Variants in AKAP10 observed in about 807,000 individuals in gnomAD.
AKAP10 encodes A-kinase anchoring protein 10.
Under a neutral mutation model 80.8 loss-of-function variants are expected in AKAP10, and 24 were observed. The ratio of observed to expected loss-of-function variants is 0.30; its 90% confidence interval spans 0.22 to 0.42. The LOEUF is 0.42. AKAP10 is among the 10% of genes least tolerant of loss of function. The pLI is 1.00. For missense variants in AKAP10, 661 were observed against 794.9 expected, an observed-to-expected ratio of 0.83 and a Z score of 2.03; for synonymous variants, 291 against 277.7, an observed-to-expected ratio of 1.05 and a Z score of -0.48.
chr17:19,968,245 G>A (rs2043448054), intron 2 of AKAP10, among the ~76,000 whole-genome samples, 169 bp downstream of exon 2: 1 of 148,232 alleles, frequency 6.7e-6, no homozygotes, highest in African/African-American at 2.5e-5. Context: ...TATGCTAGAT[G>A]TTAAAGCATT....
At position 19,905,049 on chromosome 17, in the gene AKAP10, C is replaced by T. The variant is rs1275866787; in HGVS notation, c.*1178G>A. ...ATATATATTTTTTTTTTTGCAAAGT[C>T]TGAGCAAAAGCAGTAACATCTAAGA... On this transcript the variant is annotated 3_prime_UTR_variant, in exon 15 of 15. Transcript: ENST00000225737. 2.0e-5 allele frequency: 3 copies of T among 147,288 alleles called. No homozygotes were observed. Among genetic ancestry groups the T allele is most frequent in the Non-Finnish European group, 4.5e-5 (3 of 67,316 alleles). The allele number at this position is 147,288 out of a possible 1,614,324, so 9.1% of individuals were successfully genotyped here.
At chr17:19,907,195 T>G (rs2152408830) in intron 14 of AKAP10, among the ~76,000 whole-genome samples, 1 of 151,886 alleles carries the variant, frequency 6.6e-6, no homozygotes, top group South Asian at 2.1e-4. Context: ...ATTTTGTATT[T>G]TTAGTAGAGA....
At chr17:19,946,240 TATATATATATATATATA>T (rs2043115564) in intron 5 of AKAP10, among the ~76,000 whole-genome samples, 2 of 14,584 alleles carry the variant, frequency 1.4e-4, no homozygotes, top group East Asian at 2.0e-3. Flanking sequence ...ATATATATTA[TATATATATATATATATA>T]TATATATATA....
At chr17:19,960,796 C>A (rs2043339317) in intron 3 of AKAP10, among the ~76,000 whole-genome samples, 1 of 151,770 alleles carries the variant, frequency 6.6e-6, no homozygotes, top group African/African-American at 2.4e-5. Flanking sequence ...GAGGCCGAGG[C>A]GGGCTGATCA....
At chr17:19,977,357 T>C (rs1255903694) in intron 1 of AKAP10, among the ~76,000 whole-genome samples, 1 of 152,220 alleles carries the variant, frequency 6.6e-6, no homozygotes, top group South Asian at 2.1e-4. Context: ...CTATGGGCTT[T>C]AGCAATCGCT....
At chr17:19,926,547 T>C (rs1373994603) in intron 10 of AKAP10, among the ~76,000 whole-genome samples, 1 of 152,168 alleles carries the variant, frequency 6.6e-6, no homozygotes, top group African/African-American at 2.4e-5. Context: ...AAGAAAACTA[T>C]TAGAGCTAAC....
At chr17:19,967,654 G>A (rs9891503) in intron 2 of AKAP10, among the ~76,000 whole-genome samples, 3 of 152,034 alleles carry the variant, frequency 2.0e-5, no homozygotes, top group African/African-American at 7.2e-5. Context: ...AGGCCAAGGC[G>A]AGTGGATCAC....
Position 19,958,414 on chromosome 17 carries a change from T to C in AKAP10, c.477A>G (p.Glu159=), listed in dbSNP as rs753593959. The change falls in exon 4 of 15, where the codon GAA becomes GAG. Residue 159 remains glutamate, a synonymous_variant. Coordinates refer to ENST00000225737, the MANE Select transcript of AKAP10 (RefSeq NM_007202.4). The part of the protein sequence containing the change: ...EHLVKFWLEA[E]SFHSTTWSRI... The stretch of plus-strand genomic sequence containing the variant: ...GCGACCAAGTTGTTGAATGAAAACT[T>C]TCAGCCTCTAACCAAAATTTCACCA... The C allele has an allele frequency of 3.7e-6, 6 of 1,614,058 alleles. No individual in the cohort carries two copies. Among genetic ancestry groups the C allele is most frequent in the Non-Finnish European group, 5.1e-6 (6 of 1,180,042 alleles).
At position 19,905,030 on chromosome 17, in the gene AKAP10, A is replaced by ATTAT. The variant is rs2042618072; in HGVS notation, c.*1196_*1197insATAA. The ATTAT allele has an allele frequency of 6.9e-6, 1 of 144,170 alleles. No homozygotes were observed. Among genetic ancestry groups the ATTAT allele is most frequent in the African/African-American group, 2.7e-5 (1 of 37,390 alleles). 8.9% of individuals were successfully genotyped at this position (144,170 alleles called of 1,614,324 possible). A position where few individuals can be genotyped will look rare whatever the true frequency, so the allele number is the denominator to read the frequency against. On this transcript the variant is annotated 3_prime_UTR_variant, in exon 15 of 15. Coordinates refer to ENST00000225737, the MANE Select transcript of AKAP10 (RefSeq NM_007202.4). Reference sequence around the variant, plus strand: ...TATATATTTATACATATATATATATATTTTTTTTTTTGCAAAGTCTGAGCA... The same window carrying ATTAT: ...TATATATTTATACATATATATATATATTATTTTTTTTTTTTGCAAAGTCTGAGCA...
chr17:19,908,709 G>A (rs909845999), intron 14 of AKAP10, among the ~76,000 whole-genome samples: 5 of 151,172 alleles, frequency 3.3e-5, no homozygotes, highest in Admixed American at 1.3e-4. Context: ...GTGTGATCTC[G>A]GCTCACTGCA....
chr17:19,940,526 A>AT lies in AKAP10; in HGVS notation c.1185+360dup, dbSNP rs373784686. 5.3e-3 allele frequency among the ~76,000 whole-genome samples: 714 copies of AT among 134,078 alleles called. 11 individuals carry two copies. The highest frequency in any genetic ancestry group is 0.026 in the African/African-American group (668 of 25,682). The allele number at this position is 134,078 out of a possible 152,430, so 88.0% of individuals were successfully genotyped here. ...AGTGACTAAAGTAAAAATGATGAGCATAAGAAAAAATTTACTACTTTTTTT... is the reference window on the plus strand; with the variant it reads ...AGTGACTAAAGTAAAAATGATGAGCATTAAGAAAAAATTTACTACTTTTTTT... On this transcript the variant is annotated intron_variant, in intron 7 of 14. Coordinates refer to ENST00000225737, the MANE Select transcript of AKAP10 (RefSeq NM_007202.4).
intron 4 of AKAP10, among the ~76,000 whole-genome samples, chr17:19,951,189 GTCAGCCCC>G (rs2043205805): frequency 8.8e-6 from 1 of 113,112 alleles, no homozygotes; most frequent in Non-Finnish European, 2.1e-5. Flanking sequence ...GAGGTGGGGG[GTCAGCCCC>G]CGCCCGGCCA....
At chr17:19,964,279 T>C (rs534589833) in intron 2 of AKAP10, among the ~76,000 whole-genome samples, 3 of 152,316 alleles carry the variant, frequency 2.0e-5, no homozygotes, top group African/African-American at 7.2e-5. Flanking sequence ...CCCCGGTCCC[T>C]CTTAACATCT....
At chr17:19,922,404 T>C (rs1169442518) in intron 11 of AKAP10, among the ~76,000 whole-genome samples, 1 of 152,016 alleles carries the variant, frequency 6.6e-6, no homozygotes, top group Non-Finnish European at 1.5e-5. Flanking sequence ...CTAAAACATA[T>C]ATTAAAACCA....
At chr17:19,928,440 G>A (rs1314711726) in intron 10 of AKAP10, among the ~76,000 whole-genome samples, 1 of 152,172 alleles carries the variant, frequency 6.6e-6, no homozygotes, top group East Asian at 1.9e-4. Context: ...AATGAAATGT[G>A]GAGAAGCTGT....
chr17:19,951,143 G>GT (rs1238728083), intron 4 of AKAP10, among the ~76,000 whole-genome samples: 7 of 46,618 alleles, frequency 1.5e-4, no homozygotes, highest in East Asian at 3.5e-4. Context: ...GAGGTGGGGG[G>GT]CAGCCCCCGC....
At chr17:19,929,911 A>G (rs905271327) in intron 10 of AKAP10, among the ~76,000 whole-genome samples, 6 of 145,330 alleles carry the variant, frequency 4.1e-5, no homozygotes, top group African/African-American at 1.5e-4. Context: ...CGGGAGGTGG[A>G]GGTTGCAGTG....
intron 1 of AKAP10, among the ~76,000 whole-genome samples, chr17:19,969,996 T>C (rs2043473975): frequency 6.6e-6 from 1 of 152,206 alleles, no homozygotes; most frequent in Non-Finnish European, 1.5e-5. Flanking sequence ...CTGTATTTCC[T>C]GGCTGATCCT....
intron 4 of AKAP10, among the ~76,000 whole-genome samples, chr17:19,952,464 CAATAAATAAATAAATA>C (rs57806192): frequency 1.0e-4 from 15 of 148,122 alleles, no homozygotes; most frequent in South Asian, 4.3e-4. Context: ...AACTCTGTCT[CAATAAATAAATAAATA>C]AATAAATAAA....
Sources: allele counts gnomAD v4.1 joint callset (sites outside exome capture counted in the v4.1 genomes callset), GRCh38; gene constraint gnomAD v4.1.1; transcripts MANE v1.5; gene names NCBI Gene and HGNC (gene_info 2026-07-23, HGNC 2026-07-21).